Variants in IMMP2L observed in about 807,000 individuals in gnomAD.
IMMP2L encodes mitochondrial inner membrane protease subunit 2.
A neutral mutation model predicts 19.3 loss-of-function variants in IMMP2L; 18 were observed. That is an observed-to-expected ratio of 0.93 (90% CI 0.64 to 1.38). IMMP2L has a LOEUF of 1.38. IMMP2L is among the 40% of genes most tolerant of loss of function. The pLI is 0.00. For synonymous variants in IMMP2L, 76 were observed against 73.0 expected (o/e 1.04, Z -0.21); for missense variants, 233 against 218.2 (o/e 1.07, Z -0.43).
At chr7:110,867,689 T>G (rs1262233066) in intron 5 of IMMP2L, among the ~76,000 whole-genome samples, 1 of 151,924 alleles carries the variant, frequency 6.6e-6, no homozygotes, top group Non-Finnish European at 1.5e-5. Flanking sequence ...TTGGATCAGG[T>G]TGAACAGCAG....
At chr7:111,267,340 G>A (rs1817941503) in intron 3 of IMMP2L, among the ~76,000 whole-genome samples, 1 of 152,046 alleles carries the variant, frequency 6.6e-6, no homozygotes, top group Admixed American at 6.6e-5. Flanking sequence ...CTTTGAAAAT[G>A]TAAAATTACT....
rs1585999196 is a variant in IMMP2L at position 111,056,982 on chromosome 7, A to G, written c.240-93417T>C. Among the ~76,000 whole-genome samples the G allele has an allele frequency of 2.0e-5, 3 of 152,200 alleles. No homozygotes were observed. The South Asian group carries it at 6.2e-4, about 32-fold the overall frequency. ...TATACAAGTACCCCAAATTTACTTAAGAGTTTAACATATTAAGTTGGATTT... is the reference window on the plus strand; with the variant it reads ...TATACAAGTACCCCAAATTTACTTAGGAGTTTAACATATTAAGTTGGATTT... On this transcript the variant is annotated intron_variant, in intron 3 of 5. Coordinates refer to ENST00000405709, the MANE Select transcript of IMMP2L (RefSeq NM_032549.4).
At chr7:111,186,067 T>A (rs968520119) in intron 3 of IMMP2L, among the ~76,000 whole-genome samples, 1 of 152,198 alleles carries the variant, frequency 6.6e-6, no homozygotes, top group African/African-American at 2.4e-5. Flanking sequence ...TCACAAATTT[T>A]AAAGTATTTT....
intron 4 of IMMP2L, among the ~76,000 whole-genome samples, chr7:110,947,138 C>A (rs1817336432): frequency 6.6e-6 from 1 of 151,976 alleles, no homozygotes. Context: ...ACTAAAACAA[C>A]AATAAGAATT....
chr7:110,926,008 A>T (rs1814811886), intron 4 of IMMP2L, among the ~76,000 whole-genome samples: 1 of 150,600 alleles, frequency 6.6e-6, no homozygotes. Context: ...AAACATCTGC[A>T]AAAAATATAC....
intron 3 of IMMP2L, among the ~76,000 whole-genome samples, chr7:111,274,599 T>C (rs1259442639): frequency 6.6e-6 from 1 of 152,182 alleles, no homozygotes; most frequent in Non-Finnish European, 1.5e-5. Context: ...ACTGTTGGAC[T>C]GTTCTTAACA....
chr7:110,771,080 A>T (rs1215633534), intron 5 of IMMP2L, among the ~76,000 whole-genome samples: 1 of 152,190 alleles, frequency 6.6e-6, no homozygotes, highest in East Asian at 1.9e-4. Flanking sequence ...GGCAATGTCA[A>T]GGGAAAATTA....
At chr7:111,187,860 G>A (rs1425707796) in intron 3 of IMMP2L, among the ~76,000 whole-genome samples, 12 of 152,092 alleles carry the variant, frequency 7.9e-5, no homozygotes, top group Admixed American at 7.9e-4. Flanking sequence ...AGGCAACCTG[G>A]CTCTGGAATC....
At chr7:111,276,222 A>C (rs951778418) in intron 3 of IMMP2L, among the ~76,000 whole-genome samples, 2 of 152,058 alleles carry the variant, frequency 1.3e-5, no homozygotes, top group Non-Finnish European at 2.9e-5. Context: ...TTTTGTCCTT[A>C]ATTCTGTGTC....
chr7:111,051,277 T>C (rs1173497993), intron 3 of IMMP2L, among the ~76,000 whole-genome samples: 3 of 152,226 alleles, frequency 2.0e-5, no homozygotes, highest in African/African-American at 4.8e-5. Context: ...AAACTATGCA[T>C]AGTTTTTCTC....
chr7:111,015,568 A>G (rs980229296), intron 3 of IMMP2L, among the ~76,000 whole-genome samples: 3 of 152,158 alleles, frequency 2.0e-5, no homozygotes, highest in African/African-American at 4.8e-5. Context: ...TTTCACCACA[A>G]TAGAAAAAAG....
At chr7:110,879,491 G>A (rs1451370492) in intron 5 of IMMP2L, among the ~76,000 whole-genome samples, 1 of 151,974 alleles carries the variant, frequency 6.6e-6, no homozygotes, top group African/African-American at 2.4e-5. Flanking sequence ...TATAAGTACT[G>A]TAACTTGGTG....
intron 5 of IMMP2L, among the ~76,000 whole-genome samples, chr7:110,755,672 G>C (rs998055455): frequency 4.6e-5 from 7 of 152,108 alleles, no homozygotes; most frequent in Non-Finnish European, 7.4e-5. Context: ...TAAGGCTATA[G>C]TGGAGTTGTT....
intron 5 of IMMP2L, among the ~76,000 whole-genome samples, chr7:110,789,636 T>C (rs1040940194): frequency 1.3e-5 from 2 of 151,714 alleles, no homozygotes; most frequent in African/African-American, 4.9e-5. Flanking sequence ...AATGGCTTCC[T>C]TTATGATATA....
chr7:111,134,725 G>T (rs900866147), intron 3 of IMMP2L, among the ~76,000 whole-genome samples: 2 of 151,552 alleles, frequency 1.3e-5, no homozygotes, highest in African/African-American at 4.8e-5. Flanking sequence ...GGAGATTTTC[G>T]CCTGAAACCA....
rs549788320 is a variant in IMMP2L, at chr7:111,300,988, C to T, written c.239+186250G>A. Among the ~76,000 whole-genome samples, 7 of 152,166 alleles carry T rather than the reference C, an allele frequency of 4.6e-5. No homozygotes were observed. The East Asian group carries it at 1.2e-3, about 25-fold the overall frequency. On this transcript the variant is annotated intron_variant, in intron 3 of 5. Transcript: ENST00000405709. Reference sequence around the variant, plus strand: ...CAATTGCTGGGTCGTATGGTAATTGCATGTTTAGGTTCATAGGAAACTGCC... The same window carrying T: ...CAATTGCTGGGTCGTATGGTAATTGTATGTTTAGGTTCATAGGAAACTGCC...
At chr7:111,082,039 C>A (rs993937967) in intron 3 of IMMP2L, among the ~76,000 whole-genome samples, 1 of 152,164 alleles carries the variant, frequency 6.6e-6, no homozygotes, top group Non-Finnish European at 1.5e-5. Context: ...GTTGGATGCT[C>A]ATTAATGAGC....
chr7:111,065,500 G>C (rs937493677), intron 3 of IMMP2L, among the ~76,000 whole-genome samples: 1 of 152,176 alleles, frequency 6.6e-6, no homozygotes, highest in African/African-American at 2.4e-5. Context: ...TCCTGGGTCT[G>C]TCTATGAGGG....
chr7:111,030,868 A>ATGTG (rs1266804499), intron 3 of IMMP2L, among the ~76,000 whole-genome samples: 3 of 47,352 alleles, frequency 6.3e-5, no homozygotes, highest in African/African-American at 1.5e-4. Context: ...ATGTGTGTGT[A>ATGTG]TGTGTGTGTG....
Sources: gnomAD v4.1 joint callset for allele counts (sites outside exome capture counted in the v4.1 genomes callset) on GRCh38, gnomAD v4.1.1 for gene constraint, MANE v1.5 for transcripts, NCBI Gene and HGNC (gene_info 2026-07-23, HGNC 2026-07-21) for gene names.